Variants in DPP10 observed in about 807,000 individuals in gnomAD.
DPP10 encodes the protein inactive dipeptidyl peptidase 10.
A neutral mutation model predicts 120.9 loss-of-function variants in DPP10; 33 were observed. The observed-to-expected ratio is 0.27, with a 90% CI of 0.21 to 0.37. The LOEUF (loss-of-function observed/expected upper bound fraction) is 0.37. Among genes scored for constraint, DPP10 ranks in the 10% least tolerant of loss-of-function variants. The pLI, the probability that DPP10 is intolerant of heterozygous loss-of-function variation, is 1.00. For synonymous variants in DPP10, 337 were observed against 326.1 expected (o/e 1.03, Z -0.36); for missense variants, 816 against 942.8 (o/e 0.87, Z 1.76).
intron 3 of DPP10, among the ~76,000 whole-genome samples, chr2:115,472,999 G>C (rs1427004047): frequency 6.6e-6 from 1 of 152,140 alleles, no homozygotes; most frequent in African/African-American, 2.4e-5. Flanking sequence ...AATATGCCAA[G>C]TTTCCACTTT....
chr2:115,454,278 T>C (rs2073349653), intron 3 of DPP10, among the ~76,000 whole-genome samples: 1 of 151,328 alleles, frequency 6.6e-6, no homozygotes, highest in Non-Finnish European at 1.5e-5. Flanking sequence ...AACAGATAAA[T>C]AAACAACAAA....
At chr2:114,534,167 T>C (rs943013700) in intron 1 of DPP10, among the ~76,000 whole-genome samples, 2 of 152,200 alleles carry the variant, frequency 1.3e-5, no homozygotes, top group Admixed American at 1.3e-4. Context: ...ATTTTTCTTA[T>C]GTGTTATTCT....
At chr2:115,812,964 T>A (rs1050050662) in intron 19 of DPP10, among the ~76,000 whole-genome samples, 1 of 1,590 alleles carries the variant, frequency 6.3e-4, no homozygotes. Flanking sequence ...ACTGGATATC[T>A]TTTTTTTTTT....
At chr2:115,022,249 TA>T (rs1703130601) in intron 1 of DPP10, among the ~76,000 whole-genome samples, 1 of 152,102 alleles carries the variant, frequency 6.6e-6, no homozygotes, top group Admixed American at 6.6e-5. Flanking sequence ...GATATGATTG[TA>T]TACCTAGAAA....
intron 3 of DPP10, among the ~76,000 whole-genome samples, chr2:115,459,084 A>G (rs189081269): frequency 1.6e-3 from 245 of 152,078 alleles, no homozygotes; most frequent in Middle Eastern, 3.4e-3. Context: ...TTAAACTTAG[A>G]CGTACTGTTG....
At chr2:114,549,514 ATC>A (rs1382386214) in intron 1 of DPP10, among the ~76,000 whole-genome samples, 1 of 151,738 alleles carries the variant, frequency 6.6e-6, no homozygotes, top group Non-Finnish European at 1.5e-5. Flanking sequence ...TACAAAAATT[ATC>A]TGGGCATAGT....
chr2:115,308,907 T>C (rs1174991221), intron 1 of DPP10, among the ~76,000 whole-genome samples: 1 of 152,066 alleles, frequency 6.6e-6, no homozygotes, highest in Non-Finnish European at 1.5e-5. Flanking sequence ...CAAGAATACA[T>C]GTAAATGGAC....
At chr2:115,782,507 C>T (rs1452963180) in intron 17 of DPP10, 108 bp downstream of exon 17, 20 of 1,093,736 alleles carry the variant, frequency 1.8e-5, no homozygotes, top group Non-Finnish European at 1.2e-5. Flanking sequence ...TCAAAAAATC[C>T]CCACCATGAG....
At chr2:115,149,544 T>C (rs2051417122) in intron 1 of DPP10, among the ~76,000 whole-genome samples, 1 of 152,242 alleles carries the variant, frequency 6.6e-6, no homozygotes, top group South Asian at 2.1e-4. Context: ...GGTGGAGGCT[T>C]TTCAAGGTTA....
At chr2:115,415,888 C>G (rs1174616300) in intron 3 of DPP10, among the ~76,000 whole-genome samples, 1 of 129,634 alleles carries the variant, frequency 7.7e-6, no homozygotes, top group Non-Finnish European at 1.7e-5. Context: ...CACACACACA[C>G]ATACATTCAT....
chr2:114,791,245 G>A (rs1683219948), intron 1 of DPP10, among the ~76,000 whole-genome samples: 1 of 152,156 alleles, frequency 6.6e-6, no homozygotes, highest in African/African-American at 2.4e-5. Context: ...AGAAACAGTG[G>A]AGAAGCTCAA....
intron 1 of DPP10, among the ~76,000 whole-genome samples, chr2:114,933,037 C>T (rs1696197499): frequency 6.6e-6 from 1 of 152,136 alleles, no homozygotes; most frequent in Non-Finnish European, 1.5e-5. Context: ...ACACCTACTT[C>T]TTGAAGTTCT....
At chr2:114,460,221 C>G (rs1038686674) in intron 1 of DPP10, among the ~76,000 whole-genome samples, 1 of 141,320 alleles carries the variant, frequency 7.1e-6, no homozygotes, top group East Asian at 2.1e-4. Context: ...ATCTATCTAT[C>G]TATTCTAAGA....
intron 3 of DPP10, among the ~76,000 whole-genome samples, chr2:115,442,719 C>A (rs1394598379): frequency 6.6e-6 from 1 of 152,102 alleles, no homozygotes; most frequent in Non-Finnish European, 1.5e-5. Context: ...CTTTTCAGAT[C>A]TATGTACAGT....
chr2:115,845,710 A>G lies in DPP10; in HGVS notation c.*3365A>G, dbSNP rs1490272170. ...AAGAAATTATCACTGTGAATATTACAGGAGGAGAAATAAAATAAGAATAAA... is the reference window on the plus strand; with the variant it reads ...AAGAAATTATCACTGTGAATATTACGGGAGGAGAAATAAAATAAGAATAAA... On this transcript the variant is annotated 3_prime_UTR_variant, in exon 26 of 26. Coordinates refer to ENST00000410059, the MANE Select transcript of DPP10 (RefSeq NM_020868.6). The G allele has an allele frequency of 1.3e-5, 2 of 152,214 alleles. No individual in the cohort carries two copies. Among genetic ancestry groups the G allele is most frequent in the Admixed American group, 6.5e-5 (1 of 15,276 alleles). 9.4% of individuals were successfully genotyped at this position (152,214 alleles called of 1,614,324 possible). A position where few individuals can be genotyped will look rare whatever the true frequency, so the allele number is the denominator to read the frequency against.
intron 1 of DPP10, among the ~76,000 whole-genome samples, chr2:115,306,272 G>A (rs1243461803): frequency 2.0e-5 from 3 of 151,996 alleles, no homozygotes; most frequent in African/African-American, 7.2e-5. Context: ...AGACATTTGA[G>A]CAGGATGTTG....
At chr2:115,337,008 T>G (rs1376723980) in intron 2 of DPP10, among the ~76,000 whole-genome samples, 1 of 152,072 alleles carries the variant, frequency 6.6e-6, no homozygotes, top group Non-Finnish European at 1.5e-5. Context: ...AAGTTCCTGC[T>G]AAATTACGTT....
intron 1 of DPP10, among the ~76,000 whole-genome samples, chr2:114,525,251 G>A (rs1685407211): frequency 6.6e-6 from 1 of 152,172 alleles, no homozygotes; most frequent in South Asian, 2.1e-4. Flanking sequence ...GGCAAAGAAG[G>A]TAATGTTTAA....
At chr2:115,496,256 T>C (rs909103758) in intron 3 of DPP10, among the ~76,000 whole-genome samples, 1 of 152,158 alleles carries the variant, frequency 6.6e-6, no homozygotes, top group African/African-American at 2.4e-5. Flanking sequence ...CAAAAATCTT[T>C]ATTATTTATT....
Sources: gnomAD v4.1 joint callset for allele counts (sites outside exome capture counted in the v4.1 genomes callset) on GRCh38, gnomAD v4.1.1 for gene constraint, MANE v1.5 for transcripts, NCBI Gene and HGNC (gene_info 2026-07-23, HGNC 2026-07-21) for gene names.